The following DCDC1 variants were observed in gnomAD, a reference collection of about 807,000 sequenced individuals.
The protein encoded by DCDC1 is doublecortin domain-containing protein 1.
A neutral mutation model predicts 178.3 loss-of-function variants in DCDC1; 200 were observed. The ratio of observed to expected loss-of-function variants is 1.12; its 90% CI spans 1.00 to 1.26. DCDC1 has a LOEUF of 1.26. DCDC1 is among the 50% of genes most tolerant of loss of function. The pLI, the probability that DCDC1 is intolerant of heterozygous loss-of-function variation, is 0.00. For synonymous variants in DCDC1, 690 were observed against 604.8 expected, an observed-to-expected ratio of 1.14 and a Z score of -2.07; for missense variants, 1,983 against 1,749.2, an observed-to-expected ratio of 1.13 and a Z score of -2.38.
chr11:31,150,017 C>T (rs1205217444), intron 9 of DCDC1, among the ~76,000 whole-genome samples: 4 of 152,212 alleles, frequency 2.6e-5, no homozygotes, highest in South Asian at 2.1e-4. Context: ...CTGTTTTCCA[C>T]GGTGGGTGTA....
intron 9 of DCDC1, among the ~76,000 whole-genome samples, chr11:31,166,098 T>A (rs1445844827): frequency 6.6e-6 from 1 of 152,222 alleles, no homozygotes; most frequent in Non-Finnish European, 1.5e-5. Flanking sequence ...GCTATCAGTA[T>A]ATAAGTACAG....
At chr11:31,238,328 T>C (rs1444455061) in intron 9 of DCDC1, among the ~76,000 whole-genome samples, 1 of 152,080 alleles carries the variant, frequency 6.6e-6, no homozygotes, top group East Asian at 1.9e-4. Flanking sequence ...CATATTTTGT[T>C]TACTGACAGC....
intron 9 of DCDC1, among the ~76,000 whole-genome samples, chr11:31,210,049 C>A (rs1972311163): frequency 1.3e-5 from 2 of 152,164 alleles, no homozygotes; most frequent in Non-Finnish European, 2.9e-5. Flanking sequence ...GTGTCTGCTA[C>A]ATGGGGGGTA....
intron 20 of DCDC1, among the ~76,000 whole-genome samples, chr11:31,019,615 C>G (rs1444070357): frequency 6.6e-6 from 1 of 152,098 alleles, no homozygotes; most frequent in Non-Finnish European, 1.5e-5. Context: ...GATAGAATAG[C>G]ATAACTGGTA....
chr11:31,261,837 A>G (rs1347728973), intron 8 of DCDC1, among the ~76,000 whole-genome samples: 1 of 152,220 alleles, frequency 6.6e-6, no homozygotes, highest in Non-Finnish European at 1.5e-5. Context: ...GATTTATACA[A>G]GAACCATAAC....
chr11:31,294,419 TA>T (rs1484449553), intron 6 of DCDC1, among the ~76,000 whole-genome samples: 1 of 150,898 alleles, frequency 6.6e-6, no homozygotes, highest in Non-Finnish European at 1.5e-5. Flanking sequence ...CCATCTCTAC[TA>T]AAAATACAAA....
At chr11:30,962,165 G>T (rs1205857694) in intron 20 of DCDC1, among the ~76,000 whole-genome samples, 1 of 151,950 alleles carries the variant, frequency 6.6e-6, no homozygotes, top group African/African-American at 2.4e-5. Context: ...AGACACTAAA[G>T]ACTGCAGCAT....
chr11:31,094,773 C>T (rs591329), intron 15 of DCDC1, among the ~76,000 whole-genome samples: 74,272 of 151,900 alleles, frequency 0.49, 18,417 homozygotes, highest in Middle Eastern at 0.57. Flanking sequence ...AGGTGGACAG[C>T]AGGGAGCCAG....
chr11:31,313,991 C>T (rs970631751), intron 3 of DCDC1, among the ~76,000 whole-genome samples: 1 of 152,122 alleles, frequency 6.6e-6, no homozygotes, highest in Non-Finnish European at 1.5e-5. Flanking sequence ...TTCATTACAT[C>T]TGTAAATAAC....
intron 6 of DCDC1, among the ~76,000 whole-genome samples, chr11:31,294,006 C>T (rs1291208263): frequency 1.3e-5 from 2 of 152,190 alleles, no homozygotes; most frequent in African/African-American, 4.8e-5. Flanking sequence ...GACCTTGAAC[C>T]CATACTGCTT....
chr11:31,258,834 T>C (rs1373751644), intron 8 of DCDC1, among the ~76,000 whole-genome samples: 1 of 152,162 alleles, frequency 6.6e-6, no homozygotes, highest in East Asian at 1.9e-4. Context: ...ACCACTGTGA[T>C]TGAAGATGCC....
chr11:31,323,985 C>T (rs1457471728), intron 3 of DCDC1, among the ~76,000 whole-genome samples: 6 of 151,966 alleles, frequency 3.9e-5, no homozygotes, highest in Admixed American at 3.9e-4. Context: ...AAAAAATTCC[C>T]CAAAAGTTTT....
intron 3 of DCDC1, among the ~76,000 whole-genome samples, chr11:31,308,133 C>T (rs1948572374): frequency 6.6e-6 from 1 of 152,144 alleles, no homozygotes; most frequent in Non-Finnish European, 1.5e-5. Flanking sequence ...AACTTGCCCA[C>T]TGTCACATAA....
chr11:31,242,868 A>G (rs945816075), intron 8 of DCDC1, among the ~76,000 whole-genome samples: 16 of 151,894 alleles, frequency 1.1e-4, no homozygotes, highest in African/African-American at 3.4e-4. Flanking sequence ...CCAAAGCATA[A>G]TTTAAAGTCT....
chr11:30,919,247 G>T (rs1946071740), intron 25 of DCDC1, among the ~76,000 whole-genome samples: 1 of 152,038 alleles, frequency 6.6e-6, no homozygotes, highest in Admixed American at 6.6e-5. Flanking sequence ...GAAACATATG[G>T]AATAATAAGA....
intron 20 of DCDC1, among the ~76,000 whole-genome samples, chr11:31,060,633 A>G (rs1955858980): frequency 6.6e-6 from 1 of 152,182 alleles, no homozygotes; most frequent in African/African-American, 2.4e-5. Flanking sequence ...ATAGCAAAGT[A>G]TCAAGTGTCT....
chr11:31,261,614 T>A (rs1286845382), intron 8 of DCDC1, among the ~76,000 whole-genome samples: 1 of 152,178 alleles, frequency 6.6e-6, no homozygotes, highest in Non-Finnish European at 1.5e-5. Context: ...GTAAACAGGA[T>A]GATGTGCATA....
chr11:31,071,423 A>G (rs1245590195), intron 18 of DCDC1, among the ~76,000 whole-genome samples: 3 of 152,150 alleles, frequency 2.0e-5, no homozygotes, highest in Non-Finnish European at 1.5e-5. Context: ...GTCATAAGGA[A>G]TATGCATTTT....
At chr11:31,307,413 T>C (rs545370273) in intron 4 of DCDC1, 1 of 530,410 alleles carries the variant, frequency 1.9e-6, no homozygotes, top group South Asian at 3.1e-5. Context: ...AATATTCTTT[T>C]CAGAGTTTCT....
Sources: allele counts gnomAD v4.1 joint callset (sites outside exome capture counted in the v4.1 genomes callset), GRCh38; gene constraint gnomAD v4.1.1; transcripts MANE v1.5; gene names NCBI Gene and HGNC (gene_info 2026-07-23, HGNC 2026-07-21).